TTC34: variants seen among roughly 807,000 people sequenced by gnomAD.
TTC34 encodes the protein tetratricopeptide repeat protein 34.
A neutral mutation model predicts 40.7 loss-of-function variants in TTC34; 44 were observed. The observed-to-expected ratio is 1.08, with a 90% CI of 0.85 to 1.39. The LOEUF is 1.39. Among genes scored for constraint, TTC34 ranks in the 40% most tolerant of loss-of-function variants. The pLI is 0.00. For synonymous variants in TTC34, 422 were observed against 398.6 expected (o/e 1.06, Z -0.70); for missense variants, 884 against 838.0 (o/e 1.05, Z -0.68).
chr1:2,698,313 A>G (rs1569643549), intron 6 of TTC34, among the ~76,000 whole-genome samples: 7 of 65,726 alleles, frequency 1.1e-4, no homozygotes, highest in Admixed American at 3.1e-4. Flanking sequence ...ACAGCCTGGA[A>G]CAGCACCCAC....
Position 2,683,172 on chromosome 1 carries a change from C to T in TTC34, c.2227-37609G>A, listed in dbSNP as rs1185523983. On this transcript the variant is annotated intron_variant, in intron 6 of 8. Transcript: ENST00000401095. ...ACAGCCCCAGGAGAGCATCCGGCAG[C>T]CTGGAGCGGAACCCACGGCCACAGG... 3.6e-5 allele frequency among the ~76,000 whole-genome samples: 5 copies of T among 140,228 alleles called. 1 individual carries two copies. The highest frequency in any genetic ancestry group is 6.3e-5 in the Non-Finnish European group (4 of 63,702). The allele number at this position is 140,228 out of a possible 152,430, so 92.0% of individuals were successfully genotyped here. A position where few individuals can be genotyped will look rare whatever the true frequency, so the allele number is the denominator to read the frequency against.
exon 9 of TTC34, chr1:2,641,750 A>C (rs1638910434): frequency 3.9e-6 from 6 of 1,535,284 alleles, no homozygotes; most frequent in Non-Finnish European, 5.2e-6. Flanking sequence ...GGCCCGGCCA[A>C]ACTCCTGCAA....
At chr1:2,785,788 TGGGCCC>T (rs1420394304) in intron 5 of TTC34, 25 bp downstream of exon 5, 2 of 1,535,624 alleles carry the variant, frequency 1.3e-6, no homozygotes. Flanking sequence ...GGCACAAGAC[TGGGCCC>T]TGGGGGCAGG....
At chr1:2,761,282 T>C (rs1366685026) in intron 6 of TTC34, among the ~76,000 whole-genome samples, 1 of 10,736 alleles carries the variant, frequency 9.3e-5, no homozygotes, top group East Asian at 3.0e-3. Flanking sequence ...CAGCACCCAC[T>C]CCCGCAGGTG....
chr1:2,685,207 G>T (rs1640274617), intron 6 of TTC34, among the ~76,000 whole-genome samples: 2 of 141,732 alleles, frequency 1.4e-5, no homozygotes, highest in South Asian at 4.6e-4. Flanking sequence ...ACCCCCAGGT[G>T]AGCATCTGAC....
At chr1:2,684,422 A>G (rs1274765715) in intron 6 of TTC34, among the ~76,000 whole-genome samples, 1 of 147,674 alleles carries the variant, frequency 6.8e-6, no homozygotes, top group Non-Finnish European at 1.5e-5. Flanking sequence ...GACAGACTGG[A>G]ACACCACCCT....
At chr1:2,650,575 C>G (rs1391799009) in intron 6 of TTC34, among the ~76,000 whole-genome samples, 2 of 151,254 alleles carry the variant, frequency 1.3e-5, no homozygotes, top group Non-Finnish European at 2.9e-5. Context: ...CCAAGAATGG[C>G]ACTACTACCC....
At chr1:2,675,515 C>A (rs879152266) in intron 6 of TTC34, among the ~76,000 whole-genome samples, 11 of 106,380 alleles carry the variant, frequency 1.0e-4, no homozygotes, top group Non-Finnish European at 2.0e-4. Flanking sequence ...TGCAACAGCA[C>A]CCTGCACCCC....
At chr1:2,769,659 C>G (rs532096468) in intron 6 of TTC34, among the ~76,000 whole-genome samples, 1 of 129,590 alleles carries the variant, frequency 7.7e-6, no homozygotes, top group Non-Finnish European at 1.6e-5. Context: ...CAGCCTGGAG[C>G]AGCACCCTAC....
intron 6 of TTC34, among the ~76,000 whole-genome samples, chr1:2,749,503 AGCCTGGAGCAGC>A (rs1641248227): frequency 1.4e-5 from 1 of 72,016 alleles, no homozygotes. Flanking sequence ...AGCATTGGAC[AGCCTGGAGCAGC>A]ACCCAGATTC....
chr1:2,698,536 G>A (rs1640973359), intron 6 of TTC34, among the ~76,000 whole-genome samples: 1 of 131,218 alleles, frequency 7.6e-6, no homozygotes, highest in South Asian at 2.6e-4. Context: ...ACCCCCAGGT[G>A]AGCATCGGGC....
At chr1:2,776,392 C>T (rs1381852066) in intron 6 of TTC34, 1 of 141,560 alleles carries the variant, frequency 7.1e-6, no homozygotes, top group African/African-American at 3.0e-5. Flanking sequence ...CAGCCTGGAA[C>T]AGCAGCTCAC....
At chr1:2,786,606 A>T (rs1643592946) in intron 4 of TTC34, among the ~76,000 whole-genome samples, 1 of 152,182 alleles carries the variant, frequency 6.6e-6, no homozygotes, top group Admixed American at 6.5e-5. Flanking sequence ...CAGTGGGCCC[A>T]CTGGAGCAAG....
intron 6 of TTC34, among the ~76,000 whole-genome samples, chr1:2,749,740 T>A: frequency 1.8e-5 from 1 of 55,108 alleles, no homozygotes; most frequent in Non-Finnish European, 3.2e-5. Flanking sequence ...GGTGAGCATC[T>A]GACAGACTGG....
intron 6 of TTC34, among the ~76,000 whole-genome samples, chr1:2,752,279 A>C (rs1385169346): frequency 0.021 from 2,128 of 99,720 alleles, 504 homozygotes; most frequent in Non-Finnish European, 0.031. Context: ...AGCCTGGAAC[A>C]GCACCTTGCA....
At chr1:2,686,315 C>G (rs113625845) in intron 6 of TTC34, among the ~76,000 whole-genome samples, 1 of 127,526 alleles carries the variant, frequency 7.8e-6, no homozygotes, top group Non-Finnish European at 1.8e-5. Flanking sequence ...GGAGCAGCAC[C>G]CACACCTCCA....
At chr1:2,773,733 T>C (rs1281758532) in intron 6 of TTC34, 37 of 54,022 alleles carry the variant, frequency 6.8e-4, no homozygotes, top group Admixed American at 1.2e-3. Flanking sequence ...GAACAGCATC[T>C]ACAGCCCCAG....
At chr1:2,641,384 C>T in exon 9 of TTC34, 1 of 1,518,130 alleles carries the variant, frequency 6.6e-7, no homozygotes, top group Non-Finnish European at 8.8e-7. Context: ...TAGCCAGCAG[C>T]CTGAGGATGC....
intron 6 of TTC34, among the ~76,000 whole-genome samples, chr1:2,751,367 C>A (rs1641313059): frequency 1.4e-5 from 2 of 142,188 alleles, no homozygotes; most frequent in African/African-American, 2.7e-5. Flanking sequence ...GCACCCACAC[C>A]CCCAGGTGCG....
Sources: gnomAD v4.1 joint callset for allele counts (sites outside exome capture counted in the v4.1 genomes callset) on GRCh38, gnomAD v4.1.1 for gene constraint, MANE v1.5 for transcripts, NCBI Gene and HGNC (gene_info 2026-07-23, HGNC 2026-07-21) for gene names.